ZFYVE28: variants seen among roughly 807,000 people sequenced by gnomAD.
ZFYVE28 encodes the protein zinc finger FYVE-type containing 28.
ZFYVE28 carries 40 observed loss-of-function variants against 82.1 expected under a neutral mutation model. That is an observed-to-expected ratio of 0.49 (90% CI 0.38 to 0.63). The LOEUF is 0.63. ZFYVE28 is among the 30% of genes least tolerant of loss of function. The pLI is 0.00. For synonymous variants in ZFYVE28, 612 were observed against 546.1 expected, an observed-to-expected ratio of 1.12 and a Z score of -1.68; for missense variants, 1,321 against 1,242.1, an observed-to-expected ratio of 1.06 and a Z score of -0.96.
intron 8 of ZFYVE28, among the ~76,000 whole-genome samples, chr4:2,288,123 C>T (rs1344669008): frequency 6.6e-6 from 1 of 152,176 alleles, no homozygotes; most frequent in East Asian, 1.9e-4. Flanking sequence ...CAGCAAGGCA[C>T]AGTCACCATA....
At chr4:2,313,504 C>T (rs920010692) in intron 7 of ZFYVE28, among the ~76,000 whole-genome samples, 5 of 152,134 alleles carry the variant, frequency 3.3e-5, no homozygotes, top group South Asian at 2.1e-4. Context: ...ACAATCCATC[C>T]ACCTGGGCCT....
rs541596433 is a variant in ZFYVE28, at chr4:2,291,447, G to A, written c.2051+12842C>T. On this transcript the variant is annotated intron_variant, in intron 8 of 12. Coordinates refer to ENST00000290974, the MANE Select transcript of ZFYVE28 (RefSeq NM_020972.3). ...ATCCCCTTCTAGGCTCCCCGAGGAG[G>A]GGCCAATGCTTACCAAGCAGGCTCC... is the stretch of plus-strand genomic sequence containing the variant. Among the ~76,000 whole-genome samples, 4 of 152,268 alleles carry A rather than the reference G, an allele frequency of 2.6e-5. No homozygotes were observed. The South Asian group carries it at 8.3e-4, about 32-fold the overall frequency.
chr4:2,319,676 A>G (rs1718757282), intron 7 of ZFYVE28, among the ~76,000 whole-genome samples: 1 of 152,184 alleles, frequency 6.6e-6, no homozygotes, highest in Non-Finnish European at 1.5e-5. Flanking sequence ...CTTGGCCCAT[A>G]TGAAGGAAAG....
At chr4:2,358,807 C>T (rs79942690) in intron 1 of ZFYVE28, among the ~76,000 whole-genome samples, 2 of 151,682 alleles carry the variant, frequency 1.3e-5, no homozygotes, top group Non-Finnish European at 2.9e-5. Context: ...GTATCTCCCC[C>T]ACTTTTTTTT....
In ZFYVE28 at chr4:2,270,641, A is replaced by T; in HGVS notation, c.*84T>A. ...GCAGCAGCGGCAGCGGCCTCATGAG[A>T]CGCAGTGAGACCTGCCTGCAGCGTG... On this transcript the variant is annotated 3_prime_UTR_variant, in exon 13 of 13. Coordinates refer to ENST00000290974, the MANE Select transcript of ZFYVE28 (RefSeq NM_020972.3). 6.3e-7 allele frequency: 1 copy of T among 1,580,266 alleles called. No homozygotes were observed. Among genetic ancestry groups the T allele is most frequent in the Non-Finnish European group, 8.6e-7 (1 of 1,160,420 alleles).
intron 8 of ZFYVE28, among the ~76,000 whole-genome samples, chr4:2,298,327 G>C (rs1714970840): frequency 6.6e-6 from 1 of 152,180 alleles, no homozygotes; most frequent in Non-Finnish European, 1.5e-5. Flanking sequence ...CTGCCATGTA[G>C]CTGGGGCCTG....
chr4:2,401,848 A>G (rs1469347005), intron 1 of ZFYVE28, among the ~76,000 whole-genome samples: 1 of 152,168 alleles, frequency 6.6e-6, no homozygotes, highest in Non-Finnish European at 1.5e-5. Flanking sequence ...TCCCGGCCCA[A>G]GACCTGGGCT....
In ZFYVE28 at chr4:2,339,071, C is replaced by G. The variant is rs1451010072; in HGVS notation, c.521+382G>C. ...TCATGATCCGCCTGCCTCGGCCTCT[C>G]AACGTGCTGGGATTACAGGCGTGAG... is the stretch of plus-strand genomic sequence containing the variant. On this transcript the variant is annotated intron_variant, in intron 4 of 12. Coordinates refer to ENST00000290974, the MANE Select transcript of ZFYVE28 (RefSeq NM_020972.3). This position sits in a 1 kb window ranked among gnomAD's most constrained non-coding sequence, Gnocchi z 5.0. Among the ~76,000 whole-genome samples the G allele has an allele frequency of 6.6e-6, 1 of 152,232 alleles. No homozygotes were observed. The highest frequency in any genetic ancestry group is 2.4e-5 in the African/African-American group (1 of 41,460).
chr4:2,385,239 T>C (rs1729130257), intron 1 of ZFYVE28, among the ~76,000 whole-genome samples: 1 of 152,108 alleles, frequency 6.6e-6, no homozygotes, highest in African/African-American at 2.4e-5. Context: ...AGGAGCACAG[T>C]GATGACCCTG....
intron 8 of ZFYVE28, among the ~76,000 whole-genome samples, chr4:2,301,566 G>C (rs1226782764): frequency 1.3e-5 from 2 of 152,160 alleles, no homozygotes; most frequent in Non-Finnish European, 2.9e-5. Context: ...GCCGCGTTAA[G>C]AGGCTGTGTC....
At chr4:2,303,535 G>T (rs1047128566) in intron 8 of ZFYVE28, among the ~76,000 whole-genome samples, 1 of 152,204 alleles carries the variant, frequency 6.6e-6, no homozygotes, top group African/African-American at 2.4e-5. Context: ...GCCCTGTAGG[G>T]CAGGGTCCTG....
At chr4:2,383,420 T>C (rs1053331131) in intron 1 of ZFYVE28, among the ~76,000 whole-genome samples, 5 of 152,192 alleles carry the variant, frequency 3.3e-5, no homozygotes, top group African/African-American at 9.7e-5. Flanking sequence ...CCGCCATGAT[T>C]CTGAGGTGCC....
chr4:2,314,956 T>C (rs1029853887), intron 7 of ZFYVE28, among the ~76,000 whole-genome samples: 1 of 152,134 alleles, frequency 6.6e-6, no homozygotes, highest in African/African-American at 2.4e-5. Context: ...TTTTCTTTTT[T>C]TTAACTAGAG....
chr4:2,344,874 C>A (rs1723300941), intron 2 of ZFYVE28, among the ~76,000 whole-genome samples: 1 of 150,560 alleles, frequency 6.6e-6, no homozygotes, highest in Non-Finnish European at 1.5e-5. Context: ...CCAGCCTGGG[C>A]AATATGAGCA....
At chr4:2,338,325 C>A (rs1388171876) in intron 4 of ZFYVE28, among the ~76,000 whole-genome samples, 1 of 152,198 alleles carries the variant, frequency 6.6e-6, no homozygotes, top group Admixed American at 6.5e-5. Context: ...CAGTAGCTCA[C>A]GCCTGTAATC....
Position 2,284,080 on chromosome 4 carries a change from GCT to G in ZFYVE28, c.2052-9866_2052-9865del, listed in dbSNP as rs1712366890. On this transcript the variant is annotated intron_variant, in intron 8 of 12. Transcript: ENST00000290974. ...AGAGTTTGAGGAACAGAGCACAGGT[GCT>G]CTCTTTCTTGGAGCCCCCGCATCCA... Among the ~76,000 whole-genome samples the G allele has an allele frequency of 2.0e-5, 3 of 152,342 alleles. No homozygotes were observed. In the South Asian group the frequency reaches 6.2e-4, roughly 32 times the overall value.
At position 2,409,564 on chromosome 4, in the gene ZFYVE28, C is replaced by T. The variant is rs553967070; in HGVS notation, c.39+8721G>A. On this transcript the variant is annotated intron_variant, in intron 1 of 12. Transcript: ENST00000290974. This position sits in a 1 kb window ranked among gnomAD's most constrained non-coding sequence, Gnocchi z 4.4. ...CTCAGCAGCCCCCTCGCCCCCACTC[C>T]GCTGGCTGCTCGCTGTCCCTCCGAT... Among the ~76,000 whole-genome samples, 5 of 152,370 alleles carry T rather than the reference C, an allele frequency of 3.3e-5. No individual in the cohort carries two copies. The highest frequency in any genetic ancestry group is 2.0e-4 in the Admixed American group (3 of 15,304).
intron 1 of ZFYVE28, among the ~76,000 whole-genome samples, chr4:2,403,299 A>T (rs1035994638): frequency 6.6e-6 from 1 of 152,194 alleles, no homozygotes; most frequent in Admixed American, 6.5e-5. Flanking sequence ...GACTAGTGGG[A>T]CCTTGTCACT....
At chr4:2,353,723 C>T (rs1392343094) in intron 2 of ZFYVE28, among the ~76,000 whole-genome samples, 2 of 152,184 alleles carry the variant, frequency 1.3e-5, no homozygotes, top group East Asian at 3.9e-4. Flanking sequence ...CCCCAAGTGT[C>T]CCGTGCGGTT....
Sources: allele counts gnomAD v4.1 joint callset (sites outside exome capture counted in the v4.1 genomes callset), GRCh38; gene constraint gnomAD v4.1.1; non-coding constraint Gnocchi (gnomAD v3.1); transcripts MANE v1.5; gene names NCBI Gene and HGNC (gene_info 2026-07-23, HGNC 2026-07-21).